Variants in SLC38A1 observed in about 807,000 individuals in gnomAD.
SLC38A1 encodes sodium-coupled neutral amino acid symporter 1.
In SLC38A1, 18 loss-of-function variants were observed where a neutral mutation model predicts 60.3. That is an observed-to-expected ratio of 0.30 (90% CI 0.21 to 0.44). The LOEUF is 0.44. Ranked by LOEUF, SLC38A1 falls within the 20% of genes least tolerant of loss-of-function variation. The probability of loss-of-function intolerance (pLI) is 1.00; values close to 1 mark genes in which losing one functional copy is unlikely to be tolerated. For synonymous variants in SLC38A1, 196 were observed against 212.1 expected (o/e 0.92, Z 0.66); for missense variants, 448 against 587.2 (o/e 0.76, Z 2.45).
chr12:46,246,902 A>G (rs1941640524), intron 1 of SLC38A1, among the ~76,000 whole-genome samples: 1 of 152,212 alleles, frequency 6.6e-6, no homozygotes, highest in Non-Finnish European at 1.5e-5. Context: ...GTCTGGAAAG[A>G]ACCTCCAGCA....
chr12:46,264,090 T>C (rs960958906), intron 1 of SLC38A1, among the ~76,000 whole-genome samples: 1 of 152,214 alleles, frequency 6.6e-6, no homozygotes, highest in Admixed American at 6.5e-5. Context: ...CTGACAGCTT[T>C]TAAAACACCC....
At chr12:46,256,449 C>G (rs987286225) in intron 1 of SLC38A1, among the ~76,000 whole-genome samples, 40 of 152,000 alleles carry the variant, frequency 2.6e-4, no homozygotes, top group African/African-American at 8.7e-4. Context: ...CATAGACAAA[C>G]AGAAGACAAA....
intron 3 of SLC38A1, 149 bp from the exon 4 acceptor site, chr12:46,229,788 C>T: frequency 3.0e-6 from 2 of 659,908 alleles, no homozygotes; most frequent in Non-Finnish European, 5.2e-6. Flanking sequence ...CCACCAACTC[C>T]CCCCACCTTT....
intron 1 of SLC38A1, among the ~76,000 whole-genome samples, chr12:46,255,108 A>G (rs930686145): frequency 2.6e-5 from 4 of 152,240 alleles, no homozygotes; most frequent in African/African-American, 9.6e-5. Flanking sequence ...CACAATTTCC[A>G]AAGTTATCAG....
At position 46,229,639 on chromosome 12, in the gene SLC38A1, G is replaced by A. The variant is rs1319338602; in HGVS notation, c.123C>T (p.Ser41=). 6.2e-7 allele frequency: 1 copy of A among 1,612,326 alleles called. No individual in the cohort carries two copies. Among genetic ancestry groups the A allele is most frequent in the East Asian group, 2.2e-5 (1 of 44,812 alleles). Reference sequence around the variant, plus strand: ...TACTTTCACGATCAGAAATAAACTTGCTGTAAAGACATGCGTAATATATTT... The same window carrying A: ...TACTTTCACGATCAGAAATAAACTTACTGTAAAGACATGCGTAATATATTT... ...FTEVENGQIN[S]KFISDRESRR... is the part of the protein sequence containing the mutation. The change falls in exon 4 of 17, where the codon AGC becomes AGT. Residue 41 remains serine, a splice_region_variant and synonymous_variant. Transcript: ENST00000398637.
chr12:46,202,467 C>T (rs2137082330), intron 12 of SLC38A1, among the ~76,000 whole-genome samples: 1 of 152,232 alleles, frequency 6.6e-6, no homozygotes. Flanking sequence ...TTAATTTTCT[C>T]AAAACCAGCA....
At chr12:46,257,411 T>C (rs1942067088) in intron 1 of SLC38A1, among the ~76,000 whole-genome samples, 1 of 152,144 alleles carries the variant, frequency 6.6e-6, no homozygotes, top group South Asian at 2.1e-4. Context: ...TCCTTGTCTT[T>C]TATCAAGAGG....
rs1939014564 is a variant in SLC38A1 at position 46,188,532 on chromosome 12, TA to T, written c.*437del. ...TTTTCTGTAAAGCAAAATAAATATA[TA>T]CAATTCAAGATTCTTTTCTCTTCTA... On this transcript the variant is annotated 3_prime_UTR_variant, in exon 17 of 17. Transcript: ENST00000398637. 6.5e-6 allele frequency: 1 copy of T among 153,700 alleles called. No individual in the cohort carries two copies. Among genetic ancestry groups the T allele is most frequent in the African/African-American group, 2.4e-5 (1 of 41,484 alleles). 9.5% of individuals were successfully genotyped at this position (153,700 alleles called of 1,614,324 possible). A position where few individuals can be genotyped will look rare whatever the true frequency, so the allele number is the denominator to read the frequency against.
chr12:46,262,057 G>A (rs1339935592), intron 1 of SLC38A1, among the ~76,000 whole-genome samples: 4 of 152,342 alleles, frequency 2.6e-5, no homozygotes, highest in African/African-American at 9.6e-5. Flanking sequence ...GAAGCTCACA[G>A]GGGATGAGTA....
In SLC38A1 at chr12:46,268,198, A is replaced by C. The variant is rs899541299; in HGVS notation, c.-209+328T>G. On this transcript the variant is annotated intron_variant, in intron 1 of 16. Transcript: ENST00000398637. This position sits in a 1 kb window ranked among gnomAD's most constrained non-coding sequence, Gnocchi z 4.4. Reference sequence around the variant, plus strand: ...GTGCGTGGTTCCTGGCTCTCGTAAAAATGGAACCAGATCTGGTACCACACT... The same window carrying C: ...GTGCGTGGTTCCTGGCTCTCGTAAACATGGAACCAGATCTGGTACCACACT... Among the ~76,000 whole-genome samples the C allele has an allele frequency of 6.6e-6, 1 of 152,118 alleles. No individual in the cohort carries two copies. The highest frequency in any genetic ancestry group is 1.5e-5 in the Non-Finnish European group (1 of 68,016).
chr12:46,246,586 C>A (rs12316098), intron 1 of SLC38A1, among the ~76,000 whole-genome samples: 1 of 152,366 alleles, frequency 6.6e-6, no homozygotes, highest in African/African-American at 2.4e-5. Context: ...CAGAGCATAG[C>A]TGAAGAAAAG....
In SLC38A1 at chr12:46,245,481, G is replaced by A. The variant is rs1941584088; in HGVS notation, c.-208-2167C>T. The stretch of plus-strand genomic sequence containing the variant: ...AGATAACAAGTGTTGGCAAGGGTAT[G>A]GAGAAAAGGAAATCTTTGTACACTG... On this transcript the variant is annotated intron_variant, in intron 1 of 16. Transcript: ENST00000398637. Among the ~76,000 whole-genome samples the A allele has an allele frequency of 2.6e-5, 4 of 152,318 alleles. No individual in the cohort carries two copies. The South Asian group carries it at 8.3e-4, about 32-fold the overall frequency.
intron 2 of SLC38A1, among the ~76,000 whole-genome samples, chr12:46,242,629 A>G (rs1941483026): frequency 6.6e-6 from 1 of 152,022 alleles, no homozygotes. Context: ...AAAACAAAAC[A>G]ACAACAAAAA....
At chr12:46,233,123 A>G (rs1941137796) in intron 3 of SLC38A1, among the ~76,000 whole-genome samples, 1 of 152,118 alleles carries the variant, frequency 6.6e-6, no homozygotes, top group South Asian at 2.1e-4. Context: ...GGCTCAAGTA[A>G]TCCTCCTGCC....
intron 16 of SLC38A1, among the ~76,000 whole-genome samples, chr12:46,195,135 T>C (rs1292676108): frequency 6.6e-6 from 1 of 152,164 alleles, no homozygotes; most frequent in Non-Finnish European, 1.5e-5. Context: ...GGATGTCCTT[T>C]TTGTTGATGT....
chr12:46,189,494 G>T (rs1394162048), intron 16 of SLC38A1, among the ~76,000 whole-genome samples: 1 of 152,074 alleles, frequency 6.6e-6, no homozygotes, highest in Non-Finnish European at 1.5e-5. Flanking sequence ...ATTTCTGTTT[G>T]AAAAAGTGGA....
chr12:46,205,824 T>C (rs968938347), intron 9 of SLC38A1, among the ~76,000 whole-genome samples: 1 of 152,148 alleles, frequency 6.6e-6, no homozygotes, highest in Non-Finnish European at 1.5e-5. Flanking sequence ...CTACTGAAAA[T>C]AGCCCTGTCT....
chr12:46,253,545 C>T (rs1195513629), intron 1 of SLC38A1, among the ~76,000 whole-genome samples: 1 of 152,176 alleles, frequency 6.6e-6, no homozygotes, highest in Non-Finnish European at 1.5e-5. Context: ...ACTCTCATCA[C>T]CATCTTGGTT....
intron 16 of SLC38A1, chr12:46,196,055 A>G (rs1939361456): frequency 1.6e-6 from 2 of 1,251,098 alleles, no homozygotes; most frequent in South Asian, 2.6e-5. Flanking sequence ...GGAGCTGCAG[A>G]CCAGAGCTGT....
Sources: allele counts gnomAD v4.1 joint callset (sites outside exome capture counted in the v4.1 genomes callset), GRCh38; gene constraint gnomAD v4.1.1; non-coding constraint Gnocchi (gnomAD v3.1); transcripts MANE v1.5; gene names NCBI Gene and HGNC (gene_info 2026-07-23, HGNC 2026-07-21).